The following APBA1 variants were observed in gnomAD, a reference collection of about 807,000 sequenced individuals.
APBA1 encodes the protein amyloid-beta A4 precursor protein-binding family A member 1.
In APBA1, 55 loss-of-function variants were observed where a neutral mutation model predicts 86.6. That is an observed-to-expected ratio of 0.64 (90% CI 0.51 to 0.80). The LOEUF is 0.80. Ranked by LOEUF, APBA1 falls within the 30% of genes least tolerant of loss-of-function variation. APBA1 has a pLI of 0.00. For missense variants in APBA1, 1,090 were observed against 1,183.0 expected (o/e 0.92, Z 1.15); for synonymous variants, 511 against 493.9 (o/e 1.03, Z -0.46).
chr9:69,474,866 G>A (rs1034627493), intron 3 of APBA1, among the ~76,000 whole-genome samples: 4 of 152,166 alleles, frequency 2.6e-5, no homozygotes, highest in Non-Finnish European at 5.9e-5. Flanking sequence ...CCCTTTAAAA[G>A]CGATCTGCCA....
In APBA1 at chr9:69,516,732, G is replaced by C; in HGVS notation, c.479C>G (p.Ala160Gly). 1.9e-6 allele frequency: 3 copies of C among 1,611,860 alleles called. No individual in the cohort carries two copies. The highest frequency in any genetic ancestry group is 2.5e-6 in the Non-Finnish European group (3 of 1,179,404). Residue 160 changes from alanine to glycine, a missense_variant, in exon 2 of 13, where the codon GCC becomes GGC. Physicochemically the swap from Ala to Gly is moderately conservative, Grantham distance 60. Coordinates refer to ENST00000265381, the MANE Select transcript of APBA1 (RefSeq NM_001163.4). The surrounding 1 kb of genome is among the most constrained non-coding windows in gnomAD (Gnocchi z 7.3). ...GTAGCCTGAGTAGGCCGCATTCATG[G>C]CTTCCTCGTGCTCCAGCGAGTGGAA... ...LHFHSLEHEE[A>G]MNAAYSGYVY...
intron 2 of APBA1, among the ~76,000 whole-genome samples, chr9:69,495,130 C>T (rs1177098389): frequency 6.6e-6 from 1 of 152,092 alleles, no homozygotes; most frequent in African/African-American, 2.4e-5. Flanking sequence ...TTTGCTCTGT[C>T]CTTACCATCT....
chr9:69,492,940 CATCT>C (rs1835737649), intron 2 of APBA1, among the ~76,000 whole-genome samples: 1 of 152,016 alleles, frequency 6.6e-6, no homozygotes, highest in Non-Finnish European at 1.5e-5. Context: ...TTGCCAAATC[CATCT>C]GAGACTCAGT....
At chr9:69,440,201 G>A (rs1350927479) in intron 11 of APBA1, among the ~76,000 whole-genome samples, 2 of 152,218 alleles carry the variant, frequency 1.3e-5, no homozygotes, top group African/African-American at 4.8e-5. Flanking sequence ...CTACTGGGGG[G>A]TGCCTCCCAG....
At chr9:69,605,923 A>G (rs1822460685) in intron 1 of APBA1, among the ~76,000 whole-genome samples, 1 of 152,252 alleles carries the variant, frequency 6.6e-6, no homozygotes, top group East Asian at 1.9e-4. Flanking sequence ...TGAATTAATG[A>G]TTGAATTAAT....
At chr9:69,527,374 C>G (rs539178629) in intron 1 of APBA1, among the ~76,000 whole-genome samples, 127 of 152,116 alleles carry the variant, frequency 8.3e-4, no homozygotes, top group Non-Finnish European at 1.6e-3. Flanking sequence ...TGAAATGAAG[C>G]TGGGTATAGA....
At chr9:69,524,875 G>T (rs749044763) in intron 1 of APBA1, among the ~76,000 whole-genome samples, 2 of 152,082 alleles carry the variant, frequency 1.3e-5, no homozygotes, top group Non-Finnish European at 2.9e-5. Context: ...ACATCAAAAA[G>T]TGATCCTTGA....
chr9:69,643,220 C>A (rs924229067), intron 1 of APBA1, among the ~76,000 whole-genome samples: 8 of 152,088 alleles, frequency 5.3e-5, no homozygotes, highest in African/African-American at 1.9e-4. Flanking sequence ...GTAGACAAAA[C>A]AAATATATGT....
chr9:69,636,922 GGAAAGAAA>G lies in APBA1; in HGVS notation c.-70+35223_-70+35230del, dbSNP rs1164309911. 6.8e-3 allele frequency among the ~76,000 whole-genome samples: 434 copies of G among 63,876 alleles called. 3 individuals carry two copies. The highest frequency in any genetic ancestry group is 0.015 in the African/African-American group (224 of 14,828). 41.9% of individuals were successfully genotyped at this position (63,876 alleles called of 152,430 possible). A position where few individuals can be genotyped will look rare whatever the true frequency, so the allele number is the denominator to read the frequency against. ...AGGAAGGAAGGAAGGAAGGAAGGAA[GGAAAGAAA>G]GAAAGAAAGAAAGAAAGAAAGAAAG... On this transcript the variant is annotated intron_variant, in intron 1 of 12. Transcript: ENST00000265381.
At chr9:69,644,109 G>A (rs964261830) in intron 1 of APBA1, among the ~76,000 whole-genome samples, 1 of 152,094 alleles carries the variant, frequency 6.6e-6, no homozygotes, top group Admixed American at 6.6e-5. Flanking sequence ...TCAGAACATT[G>A]TAAAAACATG....
chr9:69,512,431 T>C (rs986695581), intron 2 of APBA1, among the ~76,000 whole-genome samples: 14 of 152,226 alleles, frequency 9.2e-5, no homozygotes, highest in Non-Finnish European at 2.1e-4. Flanking sequence ...TTAGCAACGG[T>C]GGCTGACAAA....
intron 1 of APBA1, among the ~76,000 whole-genome samples, chr9:69,518,580 A>T (rs1836204279): frequency 6.6e-6 from 1 of 152,218 alleles, no homozygotes; most frequent in African/African-American, 2.4e-5. Context: ...ATATAGAAAT[A>T]GACACAAAGA....
intron 1 of APBA1, among the ~76,000 whole-genome samples, chr9:69,555,646 C>G (rs575965088): frequency 6.6e-6 from 1 of 152,184 alleles, no homozygotes; most frequent in East Asian, 1.9e-4. Context: ...ATCAACTTAA[C>G]AAGATTCATC....
intron 1 of APBA1, among the ~76,000 whole-genome samples, chr9:69,591,346 A>G (rs1822124358): frequency 6.6e-6 from 1 of 152,240 alleles, no homozygotes; most frequent in African/African-American, 2.4e-5. Flanking sequence ...TTTCAAATAC[A>G]GATGGTTGAC....
intron 2 of APBA1, among the ~76,000 whole-genome samples, chr9:69,477,012 C>A (rs1017978210): frequency 6.6e-6 from 1 of 152,182 alleles, no homozygotes; most frequent in Admixed American, 6.5e-5. Flanking sequence ...CACTCCCCAG[C>A]CTATAGCCAA....
intron 2 of APBA1, among the ~76,000 whole-genome samples, chr9:69,514,287 G>C (rs1836098144): frequency 6.6e-6 from 1 of 152,102 alleles, no homozygotes; most frequent in African/African-American, 2.4e-5. Flanking sequence ...TGAGGCATAG[G>C]GTGGGTGAAA....
At chr9:69,624,232 A>C (rs957183528) in intron 1 of APBA1, among the ~76,000 whole-genome samples, 3 of 152,226 alleles carry the variant, frequency 2.0e-5, no homozygotes, top group Admixed American at 6.5e-5. Flanking sequence ...GCCACACTGC[A>C]TAAGACCAAC....
At chr9:69,627,409 C>T (rs1353720587) in intron 1 of APBA1, among the ~76,000 whole-genome samples, 1 of 152,070 alleles carries the variant, frequency 6.6e-6, no homozygotes, top group Non-Finnish European at 1.5e-5. Flanking sequence ...AGCTGGCTTG[C>T]ATGGGAAGGC....
chr9:69,554,744 T>A (rs1023759546), intron 1 of APBA1, among the ~76,000 whole-genome samples: 1 of 152,032 alleles, frequency 6.6e-6, no homozygotes, highest in Non-Finnish European at 1.5e-5. Flanking sequence ...GCCTCTCAAA[T>A]AAGCACACAC....
Sources: allele counts gnomAD v4.1 joint callset (sites outside exome capture counted in the v4.1 genomes callset), GRCh38; gene constraint gnomAD v4.1.1; non-coding constraint Gnocchi (gnomAD v3.1); transcripts MANE v1.5; gene names NCBI Gene and HGNC (gene_info 2026-07-23, HGNC 2026-07-21).